Variants in CNTN4 observed in about 807,000 individuals in gnomAD.
The protein encoded by CNTN4 is contactin 4.
In CNTN4, 77 loss-of-function variants were observed where a neutral mutation model predicts 122.5. The ratio of observed to expected loss-of-function variants is 0.63; its 90% CI spans 0.52 to 0.76. The LOEUF (loss-of-function observed/expected upper bound fraction) is 0.76. CNTN4 is among the 30% of genes least tolerant of loss of function. The probability of loss-of-function intolerance (pLI) is 0.00; values close to 1 mark genes in which losing one functional copy is unlikely to be tolerated. For synonymous variants in CNTN4, 512 were observed against 447.0 expected (o/e 1.15, Z -1.83); for missense variants, 1,256 against 1,259.1 (o/e 1.00, Z 0.04).
chr3:2,774,418 A>G (rs1046471291), intron 6 of CNTN4, among the ~76,000 whole-genome samples: 1 of 151,890 alleles, frequency 6.6e-6, no homozygotes, highest in Admixed American at 6.6e-5. Context: ...ATGTTATGGT[A>G]TCTCACTTAT....
At chr3:2,798,989 C>T (rs187510781) in intron 6 of CNTN4, among the ~76,000 whole-genome samples, 72 of 152,312 alleles carry the variant, frequency 4.7e-4, no homozygotes, top group Non-Finnish European at 8.7e-4. Flanking sequence ...TTCTCTGCAT[C>T]CTCACCAACA....
intron 12 of CNTN4, among the ~76,000 whole-genome samples, chr3:2,924,803 C>T (rs917550860): frequency 6.6e-6 from 1 of 152,098 alleles, no homozygotes; most frequent in African/African-American, 2.4e-5. Flanking sequence ...AAACAAAACC[C>T]TGTGTTTAAG....
At chr3:2,343,405 T>C (rs1187548870) in intron 3 of CNTN4, among the ~76,000 whole-genome samples, 1 of 152,216 alleles carries the variant, frequency 6.6e-6, no homozygotes, top group East Asian at 1.9e-4. Flanking sequence ...TGCCCCCTCC[T>C]GCAACCAATC....
intron 6 of CNTN4, among the ~76,000 whole-genome samples, chr3:2,798,464 C>A (rs2092265961): frequency 6.6e-6 from 1 of 151,252 alleles, no homozygotes; most frequent in Non-Finnish European, 1.5e-5. Flanking sequence ...GATTCCATAT[C>A]TTTGCTATTG....
At chr3:2,452,352 T>C (rs530934875) in intron 3 of CNTN4, among the ~76,000 whole-genome samples, 30 of 152,286 alleles carry the variant, frequency 2.0e-4, no homozygotes, top group African/African-American at 7.0e-4. Flanking sequence ...TGTGCATGCA[T>C]CATGCGAATT....
chr3:2,126,697 GA>G (rs2034189545), intron 2 of CNTN4, among the ~76,000 whole-genome samples: 1 of 152,232 alleles, frequency 6.6e-6, no homozygotes, highest in African/African-American at 2.4e-5. Context: ...GGGGTGAGGA[GA>G]ATATAACTTC....
chr3:2,822,879 A>G (rs1160789995), intron 7 of CNTN4, among the ~76,000 whole-genome samples: 1 of 152,182 alleles, frequency 6.6e-6, no homozygotes, highest in Non-Finnish European at 1.5e-5. Flanking sequence ...GACAATCTTG[A>G]TGGTGAAAGA....
At position 2,921,244 on chromosome 3, in the gene CNTN4, C is replaced by T. The variant is rs376101445; in HGVS notation, c.1208-4385C>T. ...TAGAGACTGAGTCTCACTGTGTCAC[C>T]GAGGCTGGTCTTGAACTCCTGGTTT... On this transcript the variant is annotated intron_variant, in intron 12 of 24. Transcript: ENST00000418658. 5.9e-5 allele frequency among the ~76,000 whole-genome samples: 9 copies of T among 152,298 alleles called. 1 individual carries two copies. The highest frequency in any genetic ancestry group is 3.9e-4 in the East Asian group (2 of 5,178).
At chr3:2,900,916 A>C (rs915163380) in intron 11 of CNTN4, 95 bp downstream of exon 11, 1 of 1,457,694 alleles carries the variant, frequency 6.9e-7, no homozygotes, top group Non-Finnish European at 9.6e-7. Flanking sequence ...AATTGTTTCT[A>C]AAATAATATG....
chr3:2,215,284 G>C (rs1353347206), intron 2 of CNTN4, among the ~76,000 whole-genome samples: 2 of 152,124 alleles, frequency 1.3e-5, no homozygotes, highest in African/African-American at 4.8e-5. Context: ...GCTTCCCCCT[G>C]TATTTGATAT....
At chr3:2,211,238 G>A (rs939942904) in intron 2 of CNTN4, among the ~76,000 whole-genome samples, 4 of 152,002 alleles carry the variant, frequency 2.6e-5, no homozygotes, top group South Asian at 2.1e-4. Flanking sequence ...ACCAGATCTC[G>A]TGAAAACTCA....
intron 4 of CNTN4, among the ~76,000 whole-genome samples, chr3:2,574,975 A>G (rs1468684650): frequency 6.6e-6 from 1 of 152,238 alleles, no homozygotes; most frequent in African/African-American, 2.4e-5. Context: ...GGCTAGATGC[A>G]GTTCCTAGTC....
At chr3:2,749,868 T>A (rs976432752) in intron 6 of CNTN4, among the ~76,000 whole-genome samples, 46 of 152,212 alleles carry the variant, frequency 3.0e-4, no homozygotes, top group African/African-American at 1.1e-3. Context: ...AATCCTTTTC[T>A]TCAGTGAATT....
intron 7 of CNTN4, among the ~76,000 whole-genome samples, chr3:2,822,279 TG>T (rs1174409658): frequency 2.0e-5 from 3 of 152,130 alleles, no homozygotes; most frequent in African/African-American, 4.8e-5. Context: ...TATTTGATAC[TG>T]GGAAAATATC....
chr3:2,285,789 G>A (rs758892366), intron 2 of CNTN4, among the ~76,000 whole-genome samples: 44 of 152,122 alleles, frequency 2.9e-4, no homozygotes, highest in African/African-American at 9.9e-4. Context: ...ACATGATTAT[G>A]TATTTCTCAC....
At chr3:2,294,871 C>T (rs1224251568) in intron 2 of CNTN4, among the ~76,000 whole-genome samples, 1 of 151,928 alleles carries the variant, frequency 6.6e-6, no homozygotes, top group African/African-American at 2.4e-5. Flanking sequence ...TGTTCCCCTT[C>T]CTGTGTCCAC....
intron 4 of CNTN4, among the ~76,000 whole-genome samples, chr3:2,693,442 A>G (rs1450116067): frequency 2.0e-5 from 3 of 152,160 alleles, no homozygotes; most frequent in Non-Finnish European, 4.4e-5. Flanking sequence ...GATGAAAAAG[A>G]CATGATCCCT....
intron 20 of CNTN4, among the ~76,000 whole-genome samples, chr3:3,041,825 G>A (rs1448706751): frequency 6.6e-6 from 1 of 152,108 alleles, no homozygotes; most frequent in Non-Finnish European, 1.5e-5. Flanking sequence ...AGGCGTGTTG[G>A]CACATGTGTG....
rs182663309 is a variant in CNTN4 at position 2,332,238 on chromosome 3, C to A, written c.-144-6940C>A. On this transcript the variant is annotated intron_variant, in intron 2 of 24. Transcript: ENST00000418658. ...AGTATGATGGTTTTTAATGTGTTCC[C>A]TGGACTAGCATTATCTTTTACAAAT... Among the ~76,000 whole-genome samples, 510 of 152,270 alleles carry A rather than the reference C, an allele frequency of 3.3e-3. 11 individuals are homozygous for A. Among genetic ancestry groups the A allele is most frequent in the Admixed American group, 0.032 (489 of 15,288 alleles).
Sources: allele counts gnomAD v4.1 joint callset (sites outside exome capture counted in the v4.1 genomes callset), GRCh38; gene constraint gnomAD v4.1.1; transcripts MANE v1.5; gene names NCBI Gene and HGNC (gene_info 2026-07-23, HGNC 2026-07-21).